The following PDCL2 variants were observed in gnomAD, a reference collection of about 807,000 sequenced individuals.
PDCL2 encodes phosducin-like protein 2.
In PDCL2, 23 loss-of-function variants were observed where a neutral mutation model predicts 30.3. That is an observed-to-expected ratio of 0.76 (90% confidence interval 0.55 to 1.08). The LOEUF (loss-of-function observed/expected upper bound fraction) is 1.08, where lower values mean the gene tolerates loss of function less well. PDCL2 is among the 50% of genes least tolerant of loss of function. PDCL2 has a pLI of 0.00. For synonymous variants in PDCL2, 68 were observed against 86.2 expected (o/e 0.79, Z 1.17); for missense variants, 243 against 282.3 (o/e 0.86, Z 1.00).
intron 3 of PDCL2, among the ~76,000 whole-genome samples, chr4:55,571,064 T>C (rs900418154): frequency 2.6e-5 from 4 of 152,110 alleles, no homozygotes; most frequent in Non-Finnish European, 5.9e-5. Flanking sequence ...CATGATCCCC[T>C]GCCCTAATCA....
intron 1 of PDCL2, among the ~76,000 whole-genome samples, chr4:55,590,653 A>AT (rs5858337): frequency 0.035 from 5,106 of 146,874 alleles, 99 homozygotes; most frequent in Middle Eastern, 0.11. Flanking sequence ...TGTCCAGCTA[A>AT]TTTTTTTTTT....
intron 3 of PDCL2, among the ~76,000 whole-genome samples, chr4:55,577,977 GTTTTGT>G (rs1732614161): frequency 6.6e-6 from 1 of 152,182 alleles, no homozygotes; most frequent in African/African-American, 2.4e-5. Context: ...CTTTGCTGGG[GTTTTGT>G]TTTTGTTTTT....
At chr4:55,590,372 G>T (rs1732968550) in intron 1 of PDCL2, among the ~76,000 whole-genome samples, 2 of 150,002 alleles carry the variant, frequency 1.3e-5, no homozygotes, top group Admixed American at 1.3e-4. Flanking sequence ...CAGCTACTAG[G>T]GATGCTGAGG....
At chr4:55,574,235 A>G (rs1053141573) in intron 3 of PDCL2, among the ~76,000 whole-genome samples, 2 of 152,162 alleles carry the variant, frequency 1.3e-5, no homozygotes, top group East Asian at 1.9e-4. Context: ...AAGAATTTCT[A>G]TTTATGGTAT....
intron 1 of PDCL2, among the ~76,000 whole-genome samples, chr4:55,588,516 T>C (rs529251219): frequency 4.3e-4 from 66 of 152,274 alleles, no homozygotes; most frequent in African/African-American, 1.5e-3. Context: ...GAATGATGTC[T>C]CCCGAAATGC....
At chr4:55,573,056 CTG>C (rs1732470404) in intron 3 of PDCL2, among the ~76,000 whole-genome samples, 1 of 152,190 alleles carries the variant, frequency 6.6e-6, no homozygotes, top group African/African-American at 2.4e-5. Flanking sequence ...CCGCGCCCGG[CTG>C]TGTGTTTCTA....
At chr4:55,558,561 T>C (rs1313873588) in intron 5 of PDCL2, among the ~76,000 whole-genome samples, 1 of 152,190 alleles carries the variant, frequency 6.6e-6, no homozygotes, top group African/African-American at 2.4e-5. Flanking sequence ...TATGTCTTTA[T>C]TAGCAGCGTG....
At chr4:55,556,734 C>A in intron 5 of PDCL2, 23 bp from the exon 6 acceptor site, 2 of 1,488,630 alleles carry the variant, frequency 1.3e-6, no homozygotes, top group African/African-American at 1.4e-5. Context: ...ACCCATCATT[C>A]AGTTAAAAAT....
chr4:55,574,721 C>T (rs1732519270), intron 3 of PDCL2, among the ~76,000 whole-genome samples: 1 of 152,188 alleles, frequency 6.6e-6, no homozygotes. Flanking sequence ...GTCTCTATGA[C>T]TTTTTGTACT....
chr4:55,583,161 G>A (rs1326183386), intron 1 of PDCL2, among the ~76,000 whole-genome samples: 2 of 151,986 alleles, frequency 1.3e-5, no homozygotes, highest in Non-Finnish European at 2.9e-5. Context: ...TTTTTACAGG[G>A]TTTCCCCATG....
At chr4:55,572,173 A>G (rs572045716) in intron 3 of PDCL2, among the ~76,000 whole-genome samples, 10 of 152,278 alleles carry the variant, frequency 6.6e-5, no homozygotes, top group South Asian at 2.1e-4. Context: ...ACAGTGTTCA[A>G]TGGCCTGCGT....
At position 55,592,240 on chromosome 4, in the gene PDCL2, G is replaced by A; in HGVS notation, c.-131C>T. The A allele has an allele frequency of 7.4e-7, 1 of 1,353,998 alleles. No individual in the cohort carries two copies. Among genetic ancestry groups the A allele is most frequent in the Admixed American group, 2.1e-5 (1 of 48,024 alleles). The allele number at this position is 1,353,998 out of a possible 1,614,324, so 83.9% of individuals were successfully genotyped here. A position where few individuals can be genotyped will look rare whatever the true frequency, so the allele number is the denominator to read the frequency against. On this transcript the variant is annotated 5_prime_UTR_variant, in exon 1 of 6. Transcript: ENST00000295645. ...GCCCGGCGGTTTCGAGTGACCGCCAGAAGAGGGAGAGGCGAACAAGGACTT... is the reference window on the plus strand; with the variant it reads ...GCCCGGCGGTTTCGAGTGACCGCCAAAAGAGGGAGAGGCGAACAAGGACTT...
intron 4 of PDCL2, among the ~76,000 whole-genome samples, chr4:55,563,883 T>C (rs1258888184): frequency 6.6e-6 from 1 of 152,162 alleles, no homozygotes; most frequent in Non-Finnish European, 1.5e-5. Flanking sequence ...AGAGAATAGA[T>C]GGTAAATGTT....
At position 55,571,619 on chromosome 4, in the gene PDCL2, G is replaced by A. The variant is rs71627108; in HGVS notation, c.219-1758C>T. Among the ~76,000 whole-genome samples, 51 of 47,096 alleles carry A rather than the reference G, an allele frequency of 1.1e-3. 18 individuals are homozygous for A. The highest frequency in any genetic ancestry group is 5.4e-3 in the African/African-American group (43 of 8,030). The allele number at this position is 47,096 out of a possible 152,430, so 30.9% of individuals were successfully genotyped here. ...GGAGAATCACTTGAACCCGGGAGGCGGAGGTTGCAGTGAGCTGAGATTGTG... is the reference window on the plus strand; with the variant it reads ...GGAGAATCACTTGAACCCGGGAGGCAGAGGTTGCAGTGAGCTGAGATTGTG... On this transcript the variant is annotated intron_variant, in intron 3 of 5. Transcript: ENST00000295645.
At chr4:55,585,485 G>A (rs939384297) in intron 1 of PDCL2, among the ~76,000 whole-genome samples, 4 of 151,954 alleles carry the variant, frequency 2.6e-5, no homozygotes, top group South Asian at 2.1e-4. Context: ...CCGAGATTGC[G>A]CCATTGCACT....
At chr4:55,581,578 G>A (rs1365693224) in intron 2 of PDCL2, among the ~76,000 whole-genome samples, 1 of 152,118 alleles carries the variant, frequency 6.6e-6, no homozygotes, top group Admixed American at 6.5e-5. Context: ...AAGCTCACTT[G>A]GTTACACACC....
At chr4:55,587,698 G>A (rs866107133) in intron 1 of PDCL2, among the ~76,000 whole-genome samples, 6 of 151,878 alleles carry the variant, frequency 4.0e-5, no homozygotes, top group Non-Finnish European at 8.8e-5. Context: ...TAAGATTACA[G>A]ATGCCCACCA....
At chr4:55,568,674 G>A (rs1275503380) in intron 4 of PDCL2, among the ~76,000 whole-genome samples, 1 of 152,082 alleles carries the variant, frequency 6.6e-6, no homozygotes, top group Non-Finnish European at 1.5e-5. Flanking sequence ...CTGGCATAAG[G>A]ATTATTTTGA....
At chr4:55,570,724 C>T (rs188925405) in intron 3 of PDCL2, among the ~76,000 whole-genome samples, 2 of 152,310 alleles carry the variant, frequency 1.3e-5, no homozygotes, top group Admixed American at 1.3e-4. Flanking sequence ...AACCAACTCT[C>T]TCAACATTTA....
Sources: allele counts gnomAD v4.1 joint callset (sites outside exome capture counted in the v4.1 genomes callset), GRCh38; gene constraint gnomAD v4.1.1; transcripts MANE v1.5; gene names NCBI Gene and HGNC (gene_info 2026-07-23, HGNC 2026-07-21).